Variants in MTSS2 observed in about 807,000 individuals in gnomAD.
MTSS2 encodes the protein MTSS I-BAR domain containing 2.
MTSS2 carries 27 observed loss-of-function variants against 67.1 expected under a neutral mutation model. The ratio of observed to expected loss-of-function variants is 0.40; its 90% CI spans 0.30 to 0.55. The LOEUF (loss-of-function observed/expected upper bound fraction) is 0.55, where lower values mean the gene tolerates loss of function less well. MTSS2 is among the 20% of genes least tolerant of loss of function. The pLI is 0.43. For missense variants in MTSS2, 1,171 were observed against 1,067.8 expected (o/e 1.10, Z -1.35); for synonymous variants, 624 against 468.6 (o/e 1.33, Z -4.28).
intron 11 of MTSS2, among the ~76,000 whole-genome samples, chr16:70,668,165 C>A (rs1461601510): frequency 6.6e-6 from 1 of 151,972 alleles, no homozygotes; most frequent in East Asian, 1.9e-4. Context: ...ATAATCCCAG[C>A]AATTTGGGAG....
In MTSS2 at chr16:70,676,839, G is replaced by T. The variant is rs1248180858; in HGVS notation, c.830+42C>A. Reference sequence around the variant, plus strand: ...TGGGAACATCCCCACTTCCTCTTGGGATACCGCCCCCCACACCCCTGGGAA... The same window carrying T: ...TGGGAACATCCCCACTTCCTCTTGGTATACCGCCCCCCACACCCCTGGGAA... On this transcript the variant is annotated intron_variant, in intron 10 of 14. Coordinates refer to ENST00000338779, the MANE Select transcript of MTSS2 (RefSeq NM_138383.3). 6 of 1,562,890 alleles carry T rather than the reference G, an allele frequency of 3.8e-6. No homozygotes were observed. In the East Asian group the frequency reaches 1.1e-4, roughly 29 times the overall value.
In MTSS2 at chr16:70,664,731, G is replaced by A. The variant is rs1170144956; in HGVS notation, c.1338C>T (p.Asp446=). 1.2e-6 allele frequency: 2 copies of A among 1,612,834 alleles called. No homozygotes were observed. Among genetic ancestry groups the A allele is most frequent in the Admixed American group, 1.7e-5 (1 of 59,928 alleles). Reference sequence around the variant, plus strand: ...GGCCCCGCGTCAGCACCATGGCCAGGTCACTGGCGGCGGGGGACACCTCCT... The same window carrying A: ...GGCCCCGCGTCAGCACCATGGCCAGATCACTGGCGGCGGGGGACACCTCCT... The part of the protein sequence containing the change: ...HGEEVSPAAS[D]LAMVLTRGLS... Residue 446 remains aspartate (D), a synonymous_variant, in exon 14 of 15, where the codon GAC becomes GAT. Coordinates refer to ENST00000338779, the MANE Select transcript of MTSS2 (RefSeq NM_138383.3).
rs1034036086 is a variant in MTSS2, at chr16:70,662,776, C to T, written c.*901G>A. The T allele has an allele frequency of 6.6e-6, 1 of 152,648 alleles. No homozygotes were observed. Among genetic ancestry groups the T allele is most frequent in the African/African-American group, 2.4e-5 (1 of 41,446 alleles). 9.5% of individuals were successfully genotyped at this position (152,648 alleles called of 1,614,324 possible). A position where few individuals can be genotyped will look rare whatever the true frequency, so the allele number is the denominator to read the frequency against. On this transcript the variant is annotated 3_prime_UTR_variant, in exon 15 of 15. Coordinates refer to ENST00000338779, the MANE Select transcript of MTSS2 (RefSeq NM_138383.3). ...TTTTATTATATTCATAAAATGACCC[C>T]ACACCTCCTACTGCTCCAGTCACCC... is the stretch of plus-strand genomic sequence containing the variant.
chr16:70,684,809 C>T lies in MTSS2; in HGVS notation c.69+914G>A, dbSNP rs932546909. ...AGCTGGGCCCTCTCTGCCTAGTCAGCGTAGGGCAGCCCTGCCAAACCCTGG... is the reference window on the plus strand; with the variant it reads ...AGCTGGGCCCTCTCTGCCTAGTCAGTGTAGGGCAGCCCTGCCAAACCCTGG... On this transcript the variant is annotated intron_variant, in intron 1 of 14. Transcript: ENST00000338779. Among the ~76,000 whole-genome samples, 8 of 152,336 alleles carry T rather than the reference C, an allele frequency of 5.3e-5. No individual in the cohort carries two copies. The East Asian group carries it at 9.7e-4, about 18-fold the overall frequency.
chr16:70,680,908 C>CGGGTGGGGGGGG, intron 2 of MTSS2, 41 bp from the exon 3 acceptor site: 1 of 1,174,318 alleles, frequency 8.5e-7, no homozygotes, highest in Non-Finnish European at 1.2e-6. Context: ...GGTGGTTGGG[C>CGGGTGGGGGGGG]GGGGGGGGGG....
In MTSS2 at chr16:70,674,481, G is replaced by C. The variant is rs370244103; in HGVS notation, c.878C>G (p.Pro293Arg). 8.1e-6 allele frequency: 13 copies of C among 1,614,028 alleles called. No homozygotes were observed. Among genetic ancestry groups the C allele is most frequent in the Non-Finnish European group, 6.8e-6 (8 of 1,180,032 alleles). The change falls in exon 11 of 15, where the codon CCT (proline) becomes CGT (arginine). Residue 293 changes from proline (P) to arginine (R), a missense_variant. Pro to Arg is a moderately radical substitution (Grantham distance 103). Transcript: ENST00000338779. ...SSAKGGGAPWPGGAQTYSPSS... is the reference protein window; with the variant it reads ...SSAKGGGAPWRGGAQTYSPSS... ...GGGTGAGTATGTTTGGGCACCCCCAGGCCATGGGGCTCCGCCACCCTTGGC... is the reference window on the plus strand; with the variant it reads ...GGGTGAGTATGTTTGGGCACCCCCACGCCATGGGGCTCCGCCACCCTTGGC...
intron 11 of MTSS2, among the ~76,000 whole-genome samples, chr16:70,667,238 TC>T (rs1161123934): frequency 7.9e-6 from 1 of 127,084 alleles, no homozygotes; most frequent in Non-Finnish European, 1.5e-5. Context: ...ACCACTGAAC[TC>T]CTGAACTCCA....
chr16:70,680,569 G>A (rs193072182), intron 3 of MTSS2, among the ~76,000 whole-genome samples: 135 of 152,220 alleles, frequency 8.9e-4, no homozygotes, highest in Non-Finnish European at 1.7e-3. Flanking sequence ...CAGCAAAAAG[G>A]GAATCCCCGG....
chr16:70,671,093 G>C (rs906723352), intron 11 of MTSS2, among the ~76,000 whole-genome samples: 2 of 150,980 alleles, frequency 1.3e-5, no homozygotes, highest in Non-Finnish European at 2.9e-5. Flanking sequence ...TTACGTTCTT[G>C]TTCTCGGTGT....
chr16:70,672,341 C>CAAAAA (rs11297993), intron 11 of MTSS2, among the ~76,000 whole-genome samples: 17 of 80,884 alleles, frequency 2.1e-4, no homozygotes, highest in South Asian at 4.5e-4. Flanking sequence ...GAGCAAAATT[C>CAAAAA]AAAAAAAAAA....
At position 70,661,773 on chromosome 16, in the gene MTSS2, T is replaced by G; in HGVS notation, c.*1904A>C. ...CCCCCCTCTCTGGGTAGCCCCTGCC[T>G]CCTTTCCCATCAGGACCTCTGACGC... On this transcript the variant is annotated 3_prime_UTR_variant, in exon 15 of 15. Transcript: ENST00000338779. 1 of 188,968 alleles carries G rather than the reference T, an allele frequency of 5.3e-6. No individual in the cohort carries two copies. 11.7% of individuals were successfully genotyped at this position (188,968 alleles called of 1,614,324 possible).
In MTSS2 at chr16:70,665,456, G is replaced by C; in HGVS notation, c.1128+10C>G. ...GGTGACTGTCCTGGGGCCGGGCTGG[G>C]AGCACTGACCGAGGTGGGGGAGCTG... On this transcript the variant is annotated intron_variant, in intron 12 of 14. Transcript: ENST00000338779. The C allele has an allele frequency of 6.4e-7, 1 of 1,552,326 alleles. No individual in the cohort carries two copies. Among genetic ancestry groups the C allele is most frequent in the Non-Finnish European group, 8.7e-7 (1 of 1,149,476 alleles).
rs188137201 is a variant in MTSS2 at position 70,664,339 on chromosome 16, G to A, written c.1582C>T (p.Arg528Cys). ...GGGCGCTTGGTCTGGATCAGGCGGC[G>A]GTAGTTCTGGGCGATGTTGCTGTTG... The part of the protein sequence containing the change: ...PRNSNIAQNY[R>C]RLIQTKRPAS... Residue 528 changes from arginine to cysteine, a missense_variant, in exon 15 of 15, where the codon CGC becomes TGC. Coordinates refer to ENST00000338779, the MANE Select transcript of MTSS2 (RefSeq NM_138383.3). 33 of 1,597,944 alleles carry A rather than the reference G, an allele frequency of 2.1e-5. No individual in the cohort carries two copies. Among genetic ancestry groups the A allele is most frequent in the African/African-American group, 4.0e-5 (3 of 74,398 alleles).
At chr16:70,680,080 A>G in intron 3 of MTSS2, 25 bp from the exon 4 acceptor site, 2 of 1,470,834 alleles carry the variant, frequency 1.4e-6, no homozygotes, top group Non-Finnish European at 1.8e-6. Flanking sequence ...GCGGGGTGGG[A>G]AGGGGCCCGC....
chr16:70,677,074 C>A lies in MTSS2; in HGVS notation c.733-96G>T, dbSNP rs994701032. The A allele has an allele frequency of 8.6e-6, 8 of 930,786 alleles. No individual in the cohort carries two copies. The South Asian group carries it at 1.4e-4, about 16-fold the overall frequency. 57.7% of individuals were successfully genotyped at this position (930,786 alleles called of 1,614,324 possible). On this transcript the variant is annotated intron_variant, in intron 9 of 14. Coordinates refer to ENST00000338779, the MANE Select transcript of MTSS2 (RefSeq NM_138383.3). ...CACTCTCTAATTGTGAACCACATCC[C>A]AGGAGAAGACCCAGAAATCTGAAGC...
chr16:70,673,399 G>A (rs372469445), intron 11 of MTSS2, among the ~76,000 whole-genome samples: 312 of 152,218 alleles, frequency 2.0e-3, no homozygotes, highest in Non-Finnish European at 3.2e-3. Context: ...AGAACACAGC[G>A]GAAAAATACC....
chr16:70,679,572 G>T, intron 6 of MTSS2, 58 bp downstream of exon 6: 1 of 1,506,274 alleles, frequency 6.6e-7, no homozygotes, highest in Non-Finnish European at 9.0e-7. Context: ...CCCACGGGGC[G>T]GTGGGGCTGT....
rs766163801 is a variant in MTSS2 at position 70,664,084 on chromosome 16, C to G, written c.1837G>C (p.Glu613Gln). Residue 613 changes from glutamate (E) to glutamine (Q), a missense_variant, in exon 15 of 15, where the codon GAG becomes CAG. Glu to Gln is a conservative substitution (Grantham distance 29). Around this residue, in one of 2 missense-constraint regions of MTSS2, gnomAD observed 924 missense variants for 756.0 expected, o/e 1.22. Transcript: ENST00000338779. ...GYMGPTRAGS[E>Q]ECVFYTDETA... is the part of the protein sequence containing the mutation. ...TCGTCGGTATAGAAGACGCACTCCT[C>G]ACTGCCCGCCCGTGTGGGCCCCATG... is the stretch of plus-strand genomic sequence containing the variant. 5 of 1,611,814 alleles carry G rather than the reference C, an allele frequency of 3.1e-6. No individual in the cohort carries two copies. The highest frequency in any genetic ancestry group is 4.2e-6 in the Non-Finnish European group (5 of 1,179,586).
intron 13 of MTSS2, 57 bp downstream of exon 13, chr16:70,664,863 A>C (rs958524375): frequency 2.6e-6 from 4 of 1,513,814 alleles, no homozygotes; most frequent in Non-Finnish European, 2.7e-6. Flanking sequence ...CCCTGAGGCC[A>C]CTGGCTGGGC....
Sources: allele counts gnomAD v4.1 joint callset (sites outside exome capture counted in the v4.1 genomes callset), GRCh38; gene constraint gnomAD v4.1.1; regional missense constraint gnomAD v4.1.1; transcripts MANE v1.5; gene names NCBI Gene and HGNC (gene_info 2026-07-23, HGNC 2026-07-21).